Variants in SAP18 observed in about 807,000 individuals in gnomAD.
The protein encoded by SAP18 is Sin3A associated protein 18, also known as histone deacetylase complex subunit SAP18.
SAP18 carries 4 observed loss-of-function variants against 18.6 expected under a neutral mutation model. That is an observed-to-expected ratio of 0.21 (90% CI 0.11 to 0.49). SAP18 has a LOEUF of 0.49. Among genes scored for constraint, SAP18 ranks in the 20% least tolerant of loss-of-function variants. The pLI is 0.98. For synonymous variants in SAP18, 112 were observed against 82.8 expected (o/e 1.35, Z -1.92); for missense variants, 170 against 226.4 (o/e 0.75, Z 1.60).
At chr13:21,140,575 G>C (rs548145674) in exon 1 of SAP18, 2 of 1,604,076 alleles carry the variant, frequency 1.2e-6, no homozygotes, top group Non-Finnish European at 1.7e-6. Flanking sequence ...GGGGTCGGAG[G>C]TCAGGGCGAG....
exon 1 of SAP18, chr13:21,140,535 G>A (rs1457919628): frequency 1.3e-6 from 2 of 1,568,218 alleles, no homozygotes; most frequent in Non-Finnish European, 8.6e-7. Context: ...GCTTCTCCTC[G>A]CGAGAGACTT....
At chr13:21,140,546 A>T in exon 1 of SAP18, 1 of 1,581,636 alleles carries the variant, frequency 6.3e-7, no homozygotes, top group Non-Finnish European at 8.6e-7. Flanking sequence ...CGAGAGACTT[A>T]GTGCTCATGC....
Position 21,140,785 on chromosome 13 carries a change from C to T in SAP18, c.130-101C>T, listed in dbSNP as rs146445196. 2.2e-4 allele frequency: 352 copies of T among 1,583,342 alleles called. 2 individuals carry two copies. In the East Asian group the frequency reaches 7.4e-3, roughly 33 times the overall value. ...CTGGAGGAGATGGTGTTTTTGGTCT[C>T]GGGGAGGCTCGGAGGCCGCAACGCC... On this transcript the variant is annotated intron_variant, in intron 1 of 3. Transcript: ENST00000621421.
chr13:21,148,376 C>G (rs1488943012), exon 4 of SAP18: 2 of 152,088 alleles, frequency 1.3e-5, no homozygotes, highest in African/African-American at 4.8e-5. Context: ...AACTGGATCT[C>G]TTTTCTTCCA....
chr13:21,140,875 C>T lies in SAP18; in HGVS notation c.130-11C>T. On this transcript the variant is annotated splice_polypyrimidine_tract_variant and intron_variant, in intron 1 of 3. Coordinates refer to ENST00000621421, the Ensembl canonical transcript of SAP18. ...TTTAACTTCTGCCCTTCCGTTTTCTCTCTCCCTCAGACATGCCCACTGTTG... is the reference window on the plus strand; with the variant it reads ...TTTAACTTCTGCCCTTCCGTTTTCTTTCTCCCTCAGACATGCCCACTGTTG... 1 of 1,609,806 alleles carries T rather than the reference C, an allele frequency of 6.2e-7. No individual in the cohort carries two copies. The highest frequency in any genetic ancestry group is 8.5e-7 in the Non-Finnish European group (1 of 1,176,128).
At chr13:21,145,508 C>T (rs1168651826) in intron 2 of SAP18, among the ~76,000 whole-genome samples, 1 of 151,704 alleles carries the variant, frequency 6.6e-6, no homozygotes, top group African/African-American at 2.4e-5. Context: ...AATGTGACCT[C>T]AGGTTTTTTT....
chr13:21,140,494 G>A (rs1053219185), upstream of SAP18: 11 of 1,519,598 alleles, frequency 7.2e-6, no homozygotes, highest in Non-Finnish European at 9.8e-6. Context: ...GAGACGCCCC[G>A]CCCAGCCCCT....
intron 2 of SAP18, among the ~76,000 whole-genome samples, chr13:21,145,130 G>C (rs553489056): frequency 6.8e-6 from 1 of 147,662 alleles, no homozygotes; most frequent in Non-Finnish European, 1.5e-5. Context: ...GCAGTGGCGC[G>C]ATCTCGGCTC....
chr13:21,140,816 AAG>A, intron 1 of SAP18, 68 bp from the exon 2 acceptor site: 2 of 1,571,240 alleles, frequency 1.3e-6, no homozygotes, highest in East Asian at 2.2e-5. Flanking sequence ...ACGCCTCGGG[AAG>A]AGAGATGAGC....
intron 2 of SAP18, among the ~76,000 whole-genome samples, chr13:21,142,288 A>G (rs1869495851): frequency 6.6e-6 from 1 of 151,472 alleles, no homozygotes; most frequent in Admixed American, 6.6e-5. Context: ...CTCTGTCTCA[A>G]AATATATATG....
chr13:21,148,454 T>G (rs1268236906), exon 4 of SAP18: 1 of 152,104 alleles, frequency 6.6e-6, no homozygotes, highest in African/African-American at 2.4e-5. Context: ...TTTAGTTTGT[T>G]ACAGTAGCCA....
chr13:21,145,765 C>T (rs541700644), intron 2 of SAP18, among the ~76,000 whole-genome samples: 2 of 152,302 alleles, frequency 1.3e-5, no homozygotes, highest in South Asian at 2.1e-4. Flanking sequence ...GTGATCCACC[C>T]GCCTTGGCCT....
At chr13:21,142,049 G>A (rs1247506115) in intron 2 of SAP18, among the ~76,000 whole-genome samples, 2 of 151,000 alleles carry the variant, frequency 1.3e-5, no homozygotes, top group South Asian at 2.1e-4. Context: ...CACTTTGGGA[G>A]GCTGAGGCTG....
At chr13:21,146,759 G>A in intron 2 of SAP18, 46 bp from the exon 3 acceptor site, 1 of 1,469,830 alleles carries the variant, frequency 6.8e-7, no homozygotes, top group Non-Finnish European at 9.3e-7. Context: ...TAATATTATT[G>A]CTGATTAATA....
At chr13:21,140,821 A>G (rs765332394) in intron 1 of SAP18, 65 bp from the exon 2 acceptor site, 2 of 1,571,708 alleles carry the variant, frequency 1.3e-6, no homozygotes, top group African/African-American at 2.7e-5. Flanking sequence ...TCGGGAAGAG[A>G]GATGAGCTCC....
At chr13:21,140,845 G>A in intron 1 of SAP18, 41 bp from the exon 2 acceptor site, 1 of 1,585,734 alleles carries the variant, frequency 6.3e-7, no homozygotes, top group Non-Finnish European at 8.7e-7. Context: ...TTCGCAGCTG[G>A]TGTTTTTAAC....
chr13:21,140,558 C>T lies in SAP18; in HGVS notation c.6C>T (p.Leu2=), dbSNP rs778665161. 4.5e-5 allele frequency: 72 copies of T among 1,592,366 alleles called. No individual in the cohort carries two copies. The Middle Eastern group carries it at 6.6e-4, about 15-fold the overall frequency. Reference sequence around the variant, plus strand: ...TCGCGAGAGACTTAGTGCTCATGCTCGCTGCAGGGGTCGGAGGTCAGGGCG... The same window carrying T: ...TCGCGAGAGACTTAGTGCTCATGCTTGCTGCAGGGGTCGGAGGTCAGGGCG... The change falls in exon 1 of 4, where the codon CTC becomes CTT. Residue 2 remains leucine, a synonymous_variant. Transcript: ENST00000621421.
At chr13:21,142,734 C>A (rs1869513888) in intron 2 of SAP18, among the ~76,000 whole-genome samples, 1 of 152,106 alleles carries the variant, frequency 6.6e-6, no homozygotes, top group African/African-American at 2.4e-5. Context: ...AAACCCTGTA[C>A]CCCATCCTGC....
At position 21,146,666 on chromosome 13, in the gene SAP18, A is replaced by G. The variant is rs1159677252; in HGVS notation, c.240-139A>G. 3 of 607,110 alleles carry G rather than the reference A, an allele frequency of 4.9e-6. No homozygotes were observed. The African/African-American group carries it at 5.6e-5, about 11-fold the overall frequency. The allele number at this position is 607,110 out of a possible 1,614,324, so 37.6% of individuals were successfully genotyped here. On this transcript the variant is annotated intron_variant, in intron 2 of 3. Transcript: ENST00000621421. The stretch of plus-strand genomic sequence containing the variant: ...TAGTATTTTTAGCTGCTTTAAAATT[A>G]ATCTCTAGTATAAGACCCTGGCAGT...
Sources: allele counts gnomAD v4.1 joint callset (sites outside exome capture counted in the v4.1 genomes callset), GRCh38; gene constraint gnomAD v4.1.1; transcripts MANE v1.5; gene names NCBI Gene and HGNC (gene_info 2026-07-23, HGNC 2026-07-21).